Variants in PTPRK observed in about 807,000 individuals in gnomAD.
The protein encoded by PTPRK is protein tyrosine phosphatase receptor type K.
A neutral mutation model predicts 178.0 loss-of-function variants in PTPRK; 75 were observed. The ratio of observed to expected loss-of-function variants is 0.42; its 90% CI spans 0.35 to 0.51. The LOEUF (loss-of-function observed/expected upper bound fraction) is 0.51, where lower values mean the gene tolerates loss of function less well. PTPRK is among the 20% of genes least tolerant of loss of function. PTPRK has a pLI of 0.02. For missense variants in PTPRK, 1,441 were observed against 1,797.8 expected (o/e 0.80, Z 3.59); for synonymous variants, 637 against 620.6 (o/e 1.03, Z -0.39).
chr6:128,092,327 T>C lies in PTPRK; in HGVS notation c.1163-2335A>G, dbSNP rs79376498. Among the ~76,000 whole-genome samples, 202 of 152,286 alleles carry C rather than the reference T, an allele frequency of 1.3e-3. No homozygotes were observed. The East Asian group carries it at 0.036, about 27-fold the overall frequency. On this transcript the variant is annotated intron_variant, in intron 7 of 29. Transcript: ENST00000368226. ...ACATAATTTTGCACTCACTTTAGGA[T>C]AGTACTCAGAAACATATGAACAACC...
chr6:128,093,965 T>A (rs1164025398), intron 7 of PTPRK, among the ~76,000 whole-genome samples: 3 of 152,186 alleles, frequency 2.0e-5, no homozygotes, highest in Non-Finnish European at 2.9e-5. Flanking sequence ...ACTTCCACCT[T>A]TCAAATGGAG....
chr6:128,095,590 A>G (rs748036533), intron 7 of PTPRK, among the ~76,000 whole-genome samples: 13 of 152,180 alleles, frequency 8.5e-5, no homozygotes, highest in African/African-American at 1.4e-4. Context: ...CACCCCATCA[A>G]TCAGGGAGTT....
chr6:128,123,364 T>C lies in PTPRK; in HGVS notation c.1163-33372A>G, dbSNP rs1186023695. On this transcript the variant is annotated intron_variant, in intron 7 of 29. Coordinates refer to ENST00000368226, the MANE Select transcript of PTPRK (RefSeq NM_002844.4). ...ATTCACCCAGTTTGTGGTTCTTTGA[T>C]AAACAGTTGTAGGAAACTAATACAC... 3.9e-5 allele frequency among the ~76,000 whole-genome samples: 6 copies of C among 152,184 alleles called. No individual in the cohort carries two copies. The East Asian group carries it at 1.2e-3, about 29-fold the overall frequency.
intron 6 of PTPRK, among the ~76,000 whole-genome samples, chr6:128,209,656 G>A (rs1807711357): frequency 6.6e-6 from 1 of 152,028 alleles, no homozygotes; most frequent in Non-Finnish European, 1.5e-5. Context: ...CATGGTATTG[G>A]CTACAGAGAT....
Position 128,052,309 on chromosome 6 carries a change from G to A in PTPRK, c.2194+12449C>T, listed in dbSNP as rs371933804. Among the ~76,000 whole-genome samples, 7 of 152,114 alleles carry A rather than the reference G, an allele frequency of 4.6e-5. No individual in the cohort carries two copies. The South Asian group carries it at 1.2e-3, about 27-fold the overall frequency. On this transcript the variant is annotated intron_variant, in intron 13 of 29. Coordinates refer to ENST00000368226, the MANE Select transcript of PTPRK (RefSeq NM_002844.4). ...ATCACAAAATGACGTTCAAACTTAA[G>A]AAAATTAACTACTGTCTAAACTTCA...
chr6:128,267,017 T>C (rs914230623), intron 3 of PTPRK, among the ~76,000 whole-genome samples: 16 of 152,164 alleles, frequency 1.1e-4, no homozygotes, highest in South Asian at 6.2e-4. Context: ...ATTAATCTCA[T>C]AAAAATCTTA....
chr6:127,980,491 A>G (rs1255304026), intron 25 of PTPRK, among the ~76,000 whole-genome samples: 3 of 142,342 alleles, frequency 2.1e-5, no homozygotes, highest in Admixed American at 7.0e-5. Flanking sequence ...GACTCTGTCT[A>G]AAAAAAAAAA....
Position 128,067,716 on chromosome 6 carries a change from C to G in PTPRK, c.1960G>C (p.Val654Leu). 1 of 1,613,642 alleles carries G rather than the reference C, an allele frequency of 6.2e-7. No individual in the cohort carries two copies. Among genetic ancestry groups the G allele is most frequent in the Non-Finnish European group, 8.5e-7 (1 of 1,179,700 alleles). Residue 654 changes from valine (V) to leucine (L), a missense_variant, in exon 12 of 30, where the codon GTT becomes CTT. Coordinates refer to ENST00000368226, the MANE Select transcript of PTPRK (RefSeq NM_002844.4). ...REAGAMECYQ[V>L]PVTYQNAMSG... is the part of the protein sequence containing the mutation. Reference sequence around the variant, plus strand: ...ATGGCATTTTGGTATGTGACAGGAACCTGGTAGCATTCCATGGCTCCGGCT... The same window carrying G: ...ATGGCATTTTGGTATGTGACAGGAAGCTGGTAGCATTCCATGGCTCCGGCT...
At chr6:128,461,632 C>A (rs1849063390) in intron 1 of PTPRK, among the ~76,000 whole-genome samples, 1 of 152,154 alleles carries the variant, frequency 6.6e-6, no homozygotes, top group East Asian at 1.9e-4. Flanking sequence ...CCACAAAATT[C>A]ACCCTTTTAA....
At chr6:128,454,304 A>G (rs778975439) in intron 1 of PTPRK, among the ~76,000 whole-genome samples, 1 of 152,188 alleles carries the variant, frequency 6.6e-6, no homozygotes, top group Non-Finnish European at 1.5e-5. Flanking sequence ...TAGCAGCCTG[A>G]GCAGACCAAG....
chr6:128,337,934 A>G (rs1394762035), intron 2 of PTPRK, among the ~76,000 whole-genome samples: 1 of 152,220 alleles, frequency 6.6e-6, no homozygotes, highest in Non-Finnish European at 1.5e-5. Flanking sequence ...GGCCAAGTAC[A>G]ATGAATAAAA....
rs116759339 is a variant in PTPRK, at chr6:128,141,602, T to C, written c.1162+42830A>G. Among the ~76,000 whole-genome samples the C allele has an allele frequency of 1.8e-3, 273 of 151,748 alleles. 2 individuals are homozygous for C. The highest frequency in any genetic ancestry group is 6.0e-3 in the African/African-American group (250 of 41,430). ...CAGCAAAAGCAATATAAAAAAAAAA[T>C]GATCTGAGTGCAAACCTGAGGTATA... is the stretch of plus-strand genomic sequence containing the variant. On this transcript the variant is annotated intron_variant, in intron 7 of 29. Coordinates refer to ENST00000368226, the MANE Select transcript of PTPRK (RefSeq NM_002844.4).
chr6:128,158,526 T>C (rs1280921500), intron 7 of PTPRK, among the ~76,000 whole-genome samples: 1 of 151,896 alleles, frequency 6.6e-6, no homozygotes, highest in African/African-American at 2.4e-5. Flanking sequence ...GACACACATT[T>C]AATAGAGGAG....
At chr6:128,463,913 G>C (rs527270558) in intron 1 of PTPRK, among the ~76,000 whole-genome samples, 1 of 151,486 alleles carries the variant, frequency 6.6e-6, no homozygotes, top group Non-Finnish European at 1.5e-5. Flanking sequence ...CACCACACCC[G>C]GGTAATTTTT....
chr6:127,996,842 G>C, intron 17 of PTPRK, 59 bp downstream of exon 17: 1 of 1,546,016 alleles, frequency 6.5e-7, no homozygotes, highest in Non-Finnish European at 8.7e-7. Context: ...TTTTCTTAAA[G>C]TTTAAAACCA....
At chr6:128,079,058 A>G (rs886975015) in intron 10 of PTPRK, 140 bp from the exon 11 acceptor site, 45 of 477,526 alleles carry the variant, frequency 9.4e-5, no homozygotes, top group African/African-American at 5.4e-4. Context: ...ATAGCATAAC[A>G]TCTCCAAATG....
intron 5 of PTPRK, among the ~76,000 whole-genome samples, chr6:128,228,693 C>A (rs888793761): frequency 1.9e-4 from 28 of 146,462 alleles, no homozygotes; most frequent in Admixed American, 4.7e-4. Flanking sequence ...ACAACAACAA[C>A]AAAAAATTTT....
At chr6:128,398,900 A>G (rs888806743) in intron 1 of PTPRK, among the ~76,000 whole-genome samples, 2 of 152,212 alleles carry the variant, frequency 1.3e-5, no homozygotes, top group Admixed American at 6.5e-5. Flanking sequence ...TTGCAAAAGT[A>G]GAAGGATTAT....
chr6:128,404,308 T>G (rs1179472425), intron 1 of PTPRK, among the ~76,000 whole-genome samples: 1 of 152,182 alleles, frequency 6.6e-6, no homozygotes, highest in Non-Finnish European at 1.5e-5. Flanking sequence ...TAGAGACACT[T>G]TCAAGGGCCT....
Sources: gnomAD v4.1 joint callset for allele counts (sites outside exome capture counted in the v4.1 genomes callset) on GRCh38, gnomAD v4.1.1 for gene constraint, MANE v1.5 for transcripts, NCBI Gene and HGNC (gene_info 2026-07-23, HGNC 2026-07-21) for gene names.